Variants in PTPRM observed in about 807,000 individuals in gnomAD.
PTPRM encodes protein tyrosine phosphatase receptor type M.
A neutral mutation model predicts 186.7 loss-of-function variants in PTPRM; 47 were observed. The observed-to-expected ratio is 0.25, with a 90% CI of 0.20 to 0.32. The LOEUF is 0.32. PTPRM is among the 10% of genes least tolerant of loss of function. The probability of loss-of-function intolerance (pLI) is 1.00; values close to 1 mark genes in which losing one functional copy is unlikely to be tolerated. For missense variants in PTPRM, 1,494 were observed against 1,865.0 expected (o/e 0.80, Z 3.66); for synonymous variants, 668 against 674.9 (o/e 0.99, Z 0.16).
chr18:8,281,504 C>G (rs1036570091), intron 19 of PTPRM, among the ~76,000 whole-genome samples: 3 of 152,192 alleles, frequency 2.0e-5, no homozygotes, highest in Non-Finnish European at 4.4e-5. Flanking sequence ...TCTGAGCTCT[C>G]TCTAAGTGGC....
intron 7 of PTPRM, among the ~76,000 whole-genome samples, chr18:8,021,920 C>T (rs554524502): frequency 1.3e-5 from 2 of 152,130 alleles, no homozygotes; most frequent in South Asian, 4.1e-4. Flanking sequence ...TTAGACTAAT[C>T]AGTAGATATT....
At chr18:8,261,524 G>A (rs2094631328) in intron 19 of PTPRM, among the ~76,000 whole-genome samples, 1 of 152,192 alleles carries the variant, frequency 6.6e-6, no homozygotes, top group African/African-American at 2.4e-5. Flanking sequence ...TAATGCAATA[G>A]AGAGTTGGTT....
intron 23 of PTPRM, chr18:8,367,082 C>T (rs1165879057): frequency 6.6e-6 from 1 of 152,196 alleles, no homozygotes; most frequent in Non-Finnish European, 1.5e-5. Context: ...GACACGGAAA[C>T]TCTAAATGCA....
intron 14 of PTPRM, among the ~76,000 whole-genome samples, chr18:8,239,224 C>A (rs1268837023): frequency 6.8e-6 from 1 of 146,360 alleles, no homozygotes. Context: ...CATTTCCCAC[C>A]TATGAGTGAG....
intron 19 of PTPRM, among the ~76,000 whole-genome samples, chr18:8,287,612 T>C (rs1160474760): frequency 1.3e-5 from 2 of 152,202 alleles, no homozygotes; most frequent in Non-Finnish European, 2.9e-5. Flanking sequence ...GTTTTCAAGA[T>C]GCCTTTTCCA....
Position 7,661,032 on chromosome 18 carries a change from G to A in PTPRM, c.73+93141G>A, listed in dbSNP as rs368333205. The stretch of plus-strand genomic sequence containing the variant: ...ACATAGCATTTTCTAACATGACAAT[G>A]TCAGCTTAGTGACAGGATGAATCAC... On this transcript the variant is annotated intron_variant, in intron 1 of 32. Coordinates refer to ENST00000580170, the MANE Select transcript of PTPRM (RefSeq NM_001105244.2). Among the ~76,000 whole-genome samples, 29 of 152,236 alleles carry A rather than the reference G, an allele frequency of 1.9e-4. 1 individual carries two copies. In the East Asian group the frequency reaches 1.9e-3, roughly 10 times the overall value.
chr18:7,639,922 A>G (rs2144165890), intron 1 of PTPRM, among the ~76,000 whole-genome samples: 1 of 152,356 alleles, frequency 6.6e-6, no homozygotes, highest in South Asian at 2.1e-4. Context: ...TAGATTACTA[A>G]AGAAGGAAAT....
chr18:8,282,159 A>C (rs1028213236), intron 19 of PTPRM, among the ~76,000 whole-genome samples: 2 of 152,240 alleles, frequency 1.3e-5, no homozygotes, highest in Admixed American at 1.3e-4. Context: ...GATGACAAAT[A>C]AACACATGAA....
intron 14 of PTPRM, among the ~76,000 whole-genome samples, chr18:8,240,482 G>GGA (rs143950976): frequency 3.8e-5 from 1 of 26,270 alleles, no homozygotes; most frequent in Non-Finnish European, 6.9e-5. Context: ...AGGGAGGGGA[G>GGA]GAGAGAGAGA....
chr18:8,342,268 T>G (rs1202439125), intron 22 of PTPRM, among the ~76,000 whole-genome samples: 2 of 152,262 alleles, frequency 1.3e-5, no homozygotes, highest in Non-Finnish European at 2.9e-5. Context: ...AAATGCATCT[T>G]GTTTTCTTTC....
rs79620464 is a variant in PTPRM at position 8,184,263 on chromosome 18, G to T, written c.2300+40484G>T. Among the ~76,000 whole-genome samples, 994 of 152,236 alleles carry T rather than the reference G, an allele frequency of 6.5e-3. 14 individuals are homozygous for T. Among genetic ancestry groups the T allele is most frequent in the African/African-American group, 0.023 (946 of 41,534 alleles). On this transcript the variant is annotated intron_variant, in intron 14 of 32. Transcript: ENST00000580170. ...GCCATTCTGGAGCACGAATAAATCT[G>T]TTTCAAGTTTATTTCATCTTCTCTG...
chr18:8,113,468 G>A lies in PTPRM; in HGVS notation c.1857-18G>A. 7 of 1,606,596 alleles carry A rather than the reference G, an allele frequency of 4.4e-6. No individual in the cohort carries two copies. Among genetic ancestry groups the A allele is most frequent in the Non-Finnish European group, 6.0e-6 (7 of 1,173,920 alleles). ...CAGTTATCATAAAATATCATTGATG[G>A]TACTCTTGTTTTTCTAGTGTCTATC... On this transcript the variant is annotated intron_variant, in intron 11 of 32. Transcript: ENST00000580170.
chr18:8,196,730 G>A (rs2093783570), intron 14 of PTPRM, among the ~76,000 whole-genome samples: 1 of 152,226 alleles, frequency 6.6e-6, no homozygotes, highest in South Asian at 2.1e-4. Flanking sequence ...AATTGTGTGT[G>A]ACGTTGACAT....
chr18:7,915,886 A>G (rs936049795), intron 4 of PTPRM, among the ~76,000 whole-genome samples: 7 of 152,196 alleles, frequency 4.6e-5, no homozygotes, highest in African/African-American at 2.4e-5. Flanking sequence ...TTGGAAGATT[A>G]TATAAGCCTT....
At chr18:8,143,130 A>T (rs1409633447) in intron 13 of PTPRM, among the ~76,000 whole-genome samples, 1 of 151,974 alleles carries the variant, frequency 6.6e-6, no homozygotes, top group East Asian at 1.9e-4. Flanking sequence ...GGGGGAAAAA[A>T]CTCTATTGTG....
chr18:8,235,982 A>G (rs963861937), intron 14 of PTPRM, among the ~76,000 whole-genome samples: 2 of 152,154 alleles, frequency 1.3e-5, no homozygotes, highest in East Asian at 3.9e-4. Context: ...GCTGTGTTTA[A>G]TGGCTCATGA....
At chr18:8,258,828 G>C (rs1163482583) in intron 19 of PTPRM, among the ~76,000 whole-genome samples, 4 of 151,494 alleles carry the variant, frequency 2.6e-5, no homozygotes, top group Non-Finnish European at 5.9e-5. Flanking sequence ...GAGCTGAAAC[G>C]TATCAAAGAC....
At chr18:7,925,200 C>G (rs1160882573) in intron 4 of PTPRM, among the ~76,000 whole-genome samples, 1 of 152,082 alleles carries the variant, frequency 6.6e-6, no homozygotes, top group Non-Finnish European at 1.5e-5. Flanking sequence ...TTATGTTATT[C>G]TTGAGCAAGG....
At chr18:8,119,815 G>C (rs1262761299) in intron 13 of PTPRM, among the ~76,000 whole-genome samples, 2 of 152,146 alleles carry the variant, frequency 1.3e-5, no homozygotes, top group African/African-American at 2.4e-5. Flanking sequence ...GATCCACAGG[G>C]ACCTTACATT....
Sources: gnomAD v4.1 joint callset for allele counts (sites outside exome capture counted in the v4.1 genomes callset) on GRCh38, gnomAD v4.1.1 for gene constraint, MANE v1.5 for transcripts, NCBI Gene and HGNC (gene_info 2026-07-23, HGNC 2026-07-21) for gene names.